The following KDM4C variants were observed in gnomAD, a reference collection of about 807,000 sequenced individuals.
KDM4C encodes the protein lysine demethylase 4C.
KDM4C carries 81 observed loss-of-function variants against 129.3 expected under a neutral mutation model. The observed-to-expected ratio is 0.63, with a 90% CI of 0.52 to 0.75. KDM4C has a LOEUF of 0.75. Ranked by LOEUF, KDM4C falls within the 30% of genes least tolerant of loss-of-function variation. The pLI is 0.00. For synonymous variants in KDM4C, 573 were observed against 456.1 expected, an observed-to-expected ratio of 1.26 and a Z score of -3.26; for missense variants, 1,457 against 1,304.0, an observed-to-expected ratio of 1.12 and a Z score of -1.81.
At chr9:7,070,453 A>G (rs978177600) in intron 17 of KDM4C, among the ~76,000 whole-genome samples, 2 of 152,188 alleles carry the variant, frequency 1.3e-5, no homozygotes, top group African/African-American at 2.4e-5. Context: ...CATATTCATC[A>G]TGAATATACA....
intron 15 of KDM4C, among the ~76,000 whole-genome samples, chr9:7,035,494 ATCCCATTTGTTTATTTTTGC>A (rs1827487105): frequency 6.6e-6 from 1 of 150,992 alleles, no homozygotes; most frequent in Non-Finnish European, 1.5e-5. Context: ...CGCTTGATAT[ATCCCATTTGTTTATTTTTGC>A]TTTTGTTGCC....
intron 8 of KDM4C, among the ~76,000 whole-genome samples, chr9:6,977,449 A>G (rs1265216392): frequency 1.3e-5 from 2 of 152,192 alleles, no homozygotes; most frequent in African/African-American, 4.8e-5. Flanking sequence ...AGTGGATATT[A>G]TTTCATGTCT....
chr9:6,750,780 C>A (rs1373635511), intron 1 of KDM4C, among the ~76,000 whole-genome samples: 1 of 152,204 alleles, frequency 6.6e-6, no homozygotes, highest in Non-Finnish European at 1.5e-5. Flanking sequence ...TAAATAACCT[C>A]AAAACGTAGT....
At chr9:6,789,914 G>C (rs1251972482) in intron 1 of KDM4C, among the ~76,000 whole-genome samples, 1 of 151,912 alleles carries the variant, frequency 6.6e-6, no homozygotes, top group Non-Finnish European at 1.5e-5. Flanking sequence ...TTCCTAAAGG[G>C]TGGTGAGGTT....
At chr9:7,160,729 A>G (rs769803684) in intron 19 of KDM4C, among the ~76,000 whole-genome samples, 2 of 152,096 alleles carry the variant, frequency 1.3e-5, no homozygotes, top group Admixed American at 6.5e-5. Flanking sequence ...AGCCACCTAT[A>G]TGAGGTGTCT....
intron 19 of KDM4C, among the ~76,000 whole-genome samples, chr9:7,139,461 C>T (rs1587834430): frequency 6.6e-6 from 1 of 152,074 alleles, no homozygotes; most frequent in East Asian, 1.9e-4. Flanking sequence ...GCAGCCAACA[C>T]CTGAAGTCAT....
At chr9:7,163,410 A>T (rs1257368873) in intron 19 of KDM4C, among the ~76,000 whole-genome samples, 1 of 152,120 alleles carries the variant, frequency 6.6e-6, no homozygotes, top group Non-Finnish European at 1.5e-5. Flanking sequence ...TCTCCTTCAG[A>T]ATTCAAAAAT....
Position 6,986,630 on chromosome 9 carries a change from C to A in KDM4C, c.1641C>A (p.Val547=). Residue 547 remains valine, a synonymous_variant, in exon 11 of 22, where the codon GTC becomes GTA. Transcript: ENST00000381309. ...TTGAACCTGGGGAAATCCCAGCGGT[C>A]CCCAGTGGAGAGAGAAATAGCTTCA... is the stretch of plus-strand genomic sequence containing the variant. ...NGLEPGEIPA[V]PSGERNSFKV... is the part of the protein sequence containing the mutation. 6.2e-7 allele frequency: 1 copy of A among 1,612,904 alleles called. No homozygotes were observed. The highest frequency in any genetic ancestry group is 8.5e-7 in the Non-Finnish European group (1 of 1,179,042).
intron 8 of KDM4C, among the ~76,000 whole-genome samples, chr9:6,918,647 T>G (rs1820772360): frequency 6.6e-6 from 1 of 152,230 alleles, no homozygotes; most frequent in South Asian, 2.1e-4. Flanking sequence ...GCAGTGTATG[T>G]GTTCCCCCTT....
At chr9:6,784,107 C>T (rs1459143952) in intron 1 of KDM4C, among the ~76,000 whole-genome samples, 1 of 152,000 alleles carries the variant, frequency 6.6e-6, no homozygotes, top group East Asian at 1.9e-4. Context: ...GTTACTATAG[C>T]CTGGCAATAT....
chr9:6,927,521 G>C, intron 8 of KDM4C, among the ~76,000 whole-genome samples: 1 of 152,134 alleles, frequency 6.6e-6, no homozygotes, highest in Middle Eastern at 3.2e-3. Context: ...TAATGGAATT[G>C]ATAATAAGTG....
Position 6,761,023 on chromosome 9 carries a change from A to G in KDM4C, c.-18+2820A>G, listed in dbSNP as rs547865237. On this transcript the variant is annotated intron_variant, in intron 1 of 21. Transcript: ENST00000381309. Reference sequence around the variant, plus strand: ...ATGTCTTTTTTTTTTTTTTTTTGAGACGGAATCTCGCTCTGTTGTCCATGG... The same window carrying G: ...ATGTCTTTTTTTTTTTTTTTTTGAGGCGGAATCTCGCTCTGTTGTCCATGG... 2.0e-3 allele frequency among the ~76,000 whole-genome samples: 253 copies of G among 125,492 alleles called. 2 individuals are homozygous for G. Among genetic ancestry groups the G allele is most frequent in the African/African-American group, 7.6e-3 (237 of 31,158 alleles). 82.3% of individuals were successfully genotyped at this position (125,492 alleles called of 152,430 possible).
chr9:7,082,230 G>A (rs1171830534), intron 17 of KDM4C, among the ~76,000 whole-genome samples: 1 of 152,150 alleles, frequency 6.6e-6, no homozygotes, highest in African/African-American at 2.4e-5. Context: ...GCATTAGAAG[G>A]TTTCTTTCCA....
At chr9:6,935,141 C>T (rs900529478) in intron 8 of KDM4C, among the ~76,000 whole-genome samples, 1 of 152,044 alleles carries the variant, frequency 6.6e-6, no homozygotes, top group East Asian at 1.9e-4. Context: ...TTGTCAACCA[C>T]CACCAGCTTT....
chr9:7,053,306 C>G (rs1033351451), intron 17 of KDM4C, among the ~76,000 whole-genome samples: 1 of 152,180 alleles, frequency 6.6e-6, no homozygotes, highest in Admixed American at 6.6e-5. Context: ...TGAAAAGCTC[C>G]TCTGGTAAAT....
intron 17 of KDM4C, among the ~76,000 whole-genome samples, chr9:7,100,801 A>G (rs1284877929): frequency 6.1e-5 from 9 of 147,292 alleles, no homozygotes; most frequent in Non-Finnish European, 1.2e-4. Context: ...TATTGTGGAT[A>G]CTTGGTTTGG....
intron 15 of KDM4C, among the ~76,000 whole-genome samples, chr9:7,036,872 A>G (rs538659382): frequency 6.6e-5 from 10 of 152,338 alleles, no homozygotes; most frequent in African/African-American, 2.4e-4. Flanking sequence ...TGAATTAATG[A>G]ATGAATGTTT....
chr9:7,171,461 T>C (rs1008738372), intron 21 of KDM4C, among the ~76,000 whole-genome samples: 1 of 152,144 alleles, frequency 6.6e-6, no homozygotes, highest in Non-Finnish European at 1.5e-5. Context: ...TGGACTCCCC[T>C]CTTCCCTGCC....
chr9:6,906,579 C>G (rs940825241), intron 8 of KDM4C, among the ~76,000 whole-genome samples: 1 of 152,210 alleles, frequency 6.6e-6, no homozygotes, highest in African/African-American at 2.4e-5. Context: ...GCTAGGACAA[C>G]TACAGGCACA....
Sources: allele counts gnomAD v4.1 joint callset (sites outside exome capture counted in the v4.1 genomes callset), GRCh38; gene constraint gnomAD v4.1.1; transcripts MANE v1.5; gene names NCBI Gene and HGNC (gene_info 2026-07-23, HGNC 2026-07-21).